DLGAP1: variants seen among roughly 807,000 people sequenced by gnomAD.
The protein encoded by DLGAP1 is DLG associated protein 1, also known as disks large-associated protein 1.
A neutral mutation model predicts 90.8 loss-of-function variants in DLGAP1; 11 were observed. That is an observed-to-expected ratio of 0.12 (90% CI 0.08 to 0.20). DLGAP1 has a LOEUF of 0.20. Ranked by LOEUF, DLGAP1 falls within the 10% of genes least tolerant of loss-of-function variation. The pLI is 1.00. For synonymous variants in DLGAP1, 558 were observed against 540.7 expected (o/e 1.03, Z -0.44); for missense variants, 1,050 against 1,333.8 (o/e 0.79, Z 3.31).
chr18:4,232,552 T>C (rs8095163), intron 1 of DLGAP1, among the ~76,000 whole-genome samples: 11,042 of 152,228 alleles, frequency 0.073, 597 homozygotes, highest in African/African-American at 0.14. Flanking sequence ...AAGACAATGT[T>C]GTTGTAATGT....
At chr18:3,821,905 A>G (rs911896011) in intron 4 of DLGAP1, 10 of 985,096 alleles carry the variant, frequency 1.0e-5, no homozygotes, top group Non-Finnish European at 1.2e-5. Context: ...ATTTCTTTGC[A>G]TCTTCTTTGC....
chr18:4,171,561 T>C (rs566078119), intron 1 of DLGAP1, among the ~76,000 whole-genome samples: 125 of 142,488 alleles, frequency 8.8e-4, no homozygotes, highest in African/African-American at 3.1e-3. Context: ...CGAGACTCCA[T>C]CTCAAAAAAA....
chr18:3,861,081 G>A (rs2070022015), intron 4 of DLGAP1, among the ~76,000 whole-genome samples: 1 of 152,274 alleles, frequency 6.6e-6, no homozygotes, highest in African/African-American at 2.4e-5. Context: ...TGTTTTAGAA[G>A]TCTTTGAATT....
intron 9 of DLGAP1, among the ~76,000 whole-genome samples, chr18:3,553,747 G>A (rs993547246): frequency 9.4e-5 from 14 of 148,344 alleles, no homozygotes; most frequent in Admixed American, 6.1e-4. Context: ...TTGGCCAGGT[G>A]GTCTCAAATT....
At chr18:4,430,545 T>C (rs2083267249) in intron 1 of DLGAP1, 1 of 152,770 alleles carries the variant, frequency 6.5e-6, no homozygotes, top group Non-Finnish European at 1.5e-5. Flanking sequence ...TGTGTGTCTG[T>C]GATTCAAATG....
intron 7 of DLGAP1, among the ~76,000 whole-genome samples, chr18:3,709,897 C>T (rs2061548818): frequency 6.6e-6 from 1 of 152,158 alleles, no homozygotes; most frequent in South Asian, 2.1e-4. Flanking sequence ...GGTATGATCT[C>T]CTGCCTCTGA....
At chr18:3,736,331 A>C (rs1199170093) in intron 6 of DLGAP1, among the ~76,000 whole-genome samples, 1 of 152,226 alleles carries the variant, frequency 6.6e-6, no homozygotes, top group Non-Finnish European at 1.5e-5. Context: ...AAAAATATAA[A>C]ATAATAAACA....
At chr18:4,377,270 AGAGC>A (rs2082033516) in intron 1 of DLGAP1, among the ~76,000 whole-genome samples, 1 of 152,162 alleles carries the variant, frequency 6.6e-6, no homozygotes, top group African/African-American at 2.4e-5. Flanking sequence ...CAAACTGGAG[AGAGC>A]ATTTACTACC....
Position 4,317,105 on chromosome 18 carries a change from C to G in DLGAP1, c.-267+137901G>C, listed in dbSNP as rs977470141. Among the ~76,000 whole-genome samples the G allele has an allele frequency of 3.9e-5, 6 of 152,256 alleles. No individual in the cohort carries two copies. The South Asian group carries it at 6.2e-4, about 16-fold the overall frequency. ...GAAATCAGGTCAGGTTTTAATATTT[C>G]CACGCAAAATGTGAAAATGTAGGGG... On this transcript the variant is annotated intron_variant, in intron 1 of 12. Coordinates refer to ENST00000315677, the MANE Select transcript of DLGAP1 (RefSeq NM_004746.4).
At chr18:4,294,033 G>A (rs1446091263) in intron 1 of DLGAP1, 1 of 152,106 alleles carries the variant, frequency 6.6e-6, no homozygotes, top group Non-Finnish European at 1.5e-5. Flanking sequence ...CAGAAAGTTG[G>A]GGTATCTTGT....
intron 7 of DLGAP1, among the ~76,000 whole-genome samples, chr18:3,666,992 C>T (rs1426978040): frequency 6.6e-6 from 1 of 152,034 alleles, no homozygotes; most frequent in Non-Finnish European, 1.5e-5. Context: ...CAGGCTGGTA[C>T]TCCTGACCTC....
intron 2 of DLGAP1, among the ~76,000 whole-genome samples, chr18:4,032,465 C>G (rs1283523318): frequency 6.6e-6 from 1 of 152,162 alleles, no homozygotes; most frequent in African/African-American, 2.4e-5. Flanking sequence ...GAAAACAAGA[C>G]ATAACAAAGC....
At chr18:4,107,980 T>C (rs1344075498) in intron 2 of DLGAP1, among the ~76,000 whole-genome samples, 2 of 152,194 alleles carry the variant, frequency 1.3e-5, no homozygotes, top group South Asian at 2.1e-4. Flanking sequence ...ATATAGCCCC[T>C]AGGCATACTG....
intron 2 of DLGAP1, among the ~76,000 whole-genome samples, chr18:4,040,972 A>G (rs181545732): frequency 6.6e-6 from 1 of 152,294 alleles, no homozygotes; most frequent in Non-Finnish European, 1.5e-5. Flanking sequence ...CTCCCTAGGG[A>G]GGAAATCTAG....
intron 3 of DLGAP1, among the ~76,000 whole-genome samples, chr18:3,967,376 T>C (rs553226107): frequency 2.0e-5 from 3 of 152,334 alleles, no homozygotes; most frequent in African/African-American, 7.2e-5. Context: ...TGCAGAGTTT[T>C]ATTTAGAACA....
At chr18:3,704,110 T>G (rs1237363701) in intron 7 of DLGAP1, among the ~76,000 whole-genome samples, 1 of 152,224 alleles carries the variant, frequency 6.6e-6, no homozygotes, top group African/African-American at 2.4e-5. Context: ...GTCACCTCAC[T>G]GCATTTCTCC....
At chr18:3,552,631 A>G (rs1340048133) in intron 9 of DLGAP1, among the ~76,000 whole-genome samples, 1 of 151,778 alleles carries the variant, frequency 6.6e-6, no homozygotes, top group African/African-American at 2.4e-5. Context: ...TAATCCTCCT[A>G]TTTTCAGTAT....
intron 10 of DLGAP1, 106 bp downstream of exon 10, chr18:3,534,088 C>G: frequency 7.6e-7 from 1 of 1,307,742 alleles, no homozygotes; most frequent in South Asian, 1.4e-5. Context: ...TGTGGAACGT[C>G]AAGGTTATAC....
intron 1 of DLGAP1, among the ~76,000 whole-genome samples, chr18:4,277,742 G>A (rs1285219090): frequency 6.6e-6 from 1 of 152,094 alleles, no homozygotes; most frequent in Admixed American, 6.6e-5. Flanking sequence ...AGATACTACT[G>A]TGATAGAACT....
Sources: allele counts gnomAD v4.1 joint callset (sites outside exome capture counted in the v4.1 genomes callset), GRCh38; gene constraint gnomAD v4.1.1; transcripts MANE v1.5; gene names NCBI Gene and HGNC (gene_info 2026-07-23, HGNC 2026-07-21).